OPA1: variants seen among roughly 807,000 people sequenced by gnomAD.
OPA1 encodes the protein dynamin-like GTPase OPA1, mitochondrial.
Under a neutral mutation model 152.9 loss-of-function variants are expected in OPA1, and 59 were observed. The ratio of observed to expected loss-of-function variants is 0.39; its 90% CI spans 0.31 to 0.48. OPA1 has a LOEUF of 0.48. OPA1 is among the 20% of genes least tolerant of loss of function. The probability of loss-of-function intolerance (pLI) is 0.96; values close to 1 mark genes in which losing one functional copy is unlikely to be tolerated. For missense variants in OPA1, 1,008 were observed against 1,216.8 expected (o/e 0.83, Z 2.55); for synonymous variants, 400 against 389.9 (o/e 1.03, Z -0.31).
intron 29 of OPA1, among the ~76,000 whole-genome samples, chr3:193,686,287 A>G (rs1007174495): frequency 3.9e-5 from 6 of 152,196 alleles, no homozygotes; most frequent in African/African-American, 1.4e-4. Flanking sequence ...GGCCCCAGAA[A>G]TCTGGGAACC....
chr3:193,614,284 A>G (rs2930941), intron 1 of OPA1, among the ~76,000 whole-genome samples: 1 of 152,206 alleles, frequency 6.6e-6, no homozygotes, highest in African/African-American at 2.4e-5. Context: ...TTTTGTTTTC[A>G]ACTTTTACTT....
At chr3:193,625,338 A>T (rs1730911175) in intron 6 of OPA1, among the ~76,000 whole-genome samples, 1 of 152,038 alleles carries the variant, frequency 6.6e-6, no homozygotes, top group African/African-American at 2.4e-5. Flanking sequence ...TATTGTCTCC[A>T]TATCTTAATT....
chr3:193,688,449 C>CTTTTTTT lies in OPA1; in HGVS notation c.2984-3573_2984-3567dup, dbSNP rs766448341. On this transcript the variant is annotated intron_variant, in intron 29 of 30. Coordinates refer to ENST00000361510, the MANE Select transcript of OPA1 (RefSeq NM_130837.3). ...TGATTTTTACTGAAATGGGTCTTTT[C>CTTTTTTT]TTTTTTTTTTTTTTTTTTTTTTTTT... 9.8e-4 allele frequency among the ~76,000 whole-genome samples: 62 copies of CTTTTTTT among 63,328 alleles called. 12 individuals carry two copies. The highest frequency in any genetic ancestry group is 1.5e-3 in the Non-Finnish European group (44 of 30,290). The allele number at this position is 63,328 out of a possible 152,430, so 41.5% of individuals were successfully genotyped here. A position where few individuals can be genotyped will look rare whatever the true frequency, so the allele number is the denominator to read the frequency against.
At chr3:193,613,398 C>G (rs1125272) in intron 1 of OPA1, among the ~76,000 whole-genome samples, 78,568 of 151,932 alleles carry the variant, frequency 0.52, 20,958 homozygotes, top group African/African-American at 0.64. Flanking sequence ...TAACCTTACT[C>G]GGTGTTTCTG....
At chr3:193,648,165 A>G (rs1343473224) in intron 20 of OPA1, 31 bp downstream of exon 20, 3 of 1,498,422 alleles carry the variant, frequency 2.0e-6, no homozygotes, top group Non-Finnish European at 2.8e-6. Flanking sequence ...TATTTTGTAT[A>G]TATCTTAATT....
At chr3:193,694,410 G>A (rs1430191256) in intron 30 of OPA1, among the ~76,000 whole-genome samples, 196 bp from the exon 31 acceptor site, 1 of 152,074 alleles carries the variant, frequency 6.6e-6, no homozygotes, top group Admixed American at 6.5e-5. Context: ...TTTAGTATAT[G>A]CTTTTAACTT....
intron 16 of OPA1, among the ~76,000 whole-genome samples, chr3:193,644,351 T>C (rs1229256522): frequency 2.0e-5 from 3 of 152,136 alleles, no homozygotes; most frequent in Admixed American, 1.3e-4. Flanking sequence ...ATTTAATTCC[T>C]CCAGCAACAA....
chr3:193,606,499 G>T (rs1416125912), intron 1 of OPA1, among the ~76,000 whole-genome samples: 1 of 144,382 alleles, frequency 6.9e-6, no homozygotes, highest in Non-Finnish European at 1.5e-5. Context: ...TCCCACCTAC[G>T]AGTGAGAACA....
At chr3:193,655,383 A>T (rs545466419) in intron 22 of OPA1, among the ~76,000 whole-genome samples, 4 of 152,350 alleles carry the variant, frequency 2.6e-5, no homozygotes, top group African/African-American at 9.6e-5. Flanking sequence ...GAGATTCCAT[A>T]AAGAAAATAC....
In OPA1 at chr3:193,663,627, A is replaced by G. The variant is rs575036717; in HGVS notation, c.2661+665A>G. Among the ~76,000 whole-genome samples the G allele has an allele frequency of 3.2e-4, 49 of 152,274 alleles. 1 individual carries two copies. In the South Asian group the frequency reaches 9.7e-3, roughly 30 times the overall value. On this transcript the variant is annotated intron_variant, in intron 26 of 30. Coordinates refer to ENST00000361510, the MANE Select transcript of OPA1 (RefSeq NM_130837.3). Reference sequence around the variant, plus strand: ...GCTCCTTATAATATTAGCTTAAGTGAACACAATTAGAAAAATAAGTCTAGT... The same window carrying G: ...GCTCCTTATAATATTAGCTTAAGTGGACACAATTAGAAAAATAAGTCTAGT...
intron 29 of OPA1, among the ~76,000 whole-genome samples, chr3:193,679,450 T>G (rs751833048): frequency 5.3e-5 from 8 of 152,134 alleles, no homozygotes; most frequent in Non-Finnish European, 8.8e-5. Flanking sequence ...AAACTTCTGC[T>G]TGTCCATGTG....
chr3:193,664,748 ATG>A, intron 26 of OPA1, 130 bp from the exon 27 acceptor site: 1 of 641,514 alleles, frequency 1.6e-6, no homozygotes, highest in Non-Finnish European at 2.8e-6. Flanking sequence ...TTGAATAACT[ATG>A]TAAAGAATAA....
At chr3:193,667,354 T>A in intron 29 of OPA1, 74 bp downstream of exon 29, 1 of 834,406 alleles carries the variant, frequency 1.2e-6, no homozygotes, top group Non-Finnish European at 2.1e-6. Context: ...TTGATCCATT[T>A]AATCTCAAAC....
At chr3:193,645,508 A>G (rs1426874308) in intron 16 of OPA1, 45 bp from the exon 17 acceptor site, 1 of 1,459,246 alleles carries the variant, frequency 6.9e-7, no homozygotes, top group Admixed American at 1.7e-5. Flanking sequence ...TTTAAAACTT[A>G]TGTAAACTAT....
intron 30 of OPA1, among the ~76,000 whole-genome samples, chr3:193,692,853 C>G (rs1251073945): frequency 6.6e-6 from 1 of 152,238 alleles, no homozygotes; most frequent in African/African-American, 2.4e-5. Context: ...ACCTCCTGGG[C>G]TCAAGCAGTC....
At chr3:193,635,145 A>G (rs911929200) in intron 8 of OPA1, among the ~76,000 whole-genome samples, 5 of 152,200 alleles carry the variant, frequency 3.3e-5, no homozygotes, top group African/African-American at 1.2e-4. Context: ...TTACGTTTTC[A>G]CTATTTCAAA....
intron 4 of OPA1, 130 bp downstream of exon 4, chr3:193,617,415 T>G: frequency 1.5e-6 from 1 of 663,516 alleles, no homozygotes; most frequent in South Asian, 1.9e-5. Context: ...GGACATTTTT[T>G]AAAAAGATAA....
intron 30 of OPA1, among the ~76,000 whole-genome samples, chr3:193,693,989 C>T (rs575804496): frequency 9.2e-5 from 14 of 152,162 alleles, no homozygotes; most frequent in Non-Finnish European, 1.8e-4. Context: ...AGCTGTATTT[C>T]TGTTTTTTTA....
At chr3:193,594,694 G>T (rs993849196) in intron 1 of OPA1, among the ~76,000 whole-genome samples, 56 of 152,084 alleles carry the variant, frequency 3.7e-4, no homozygotes, top group African/African-American at 1.3e-3. Context: ...GGCCCAATTT[G>T]TTTTATATAG....
Sources: gnomAD v4.1 joint callset for allele counts (sites outside exome capture counted in the v4.1 genomes callset) on GRCh38, gnomAD v4.1.1 for gene constraint, MANE v1.5 for transcripts, NCBI Gene and HGNC (gene_info 2026-07-23, HGNC 2026-07-21) for gene names.